PTBP3: variants seen among roughly 807,000 people sequenced by gnomAD.
PTBP3 encodes the protein polypyrimidine tract-binding protein 3.
A neutral mutation model predicts 58.7 loss-of-function variants in PTBP3; 20 were observed. The observed-to-expected ratio is 0.34, with a 90% CI of 0.24 to 0.50. The LOEUF is 0.50. PTBP3 is among the 20% of genes least tolerant of loss of function. The pLI is 0.98. For missense variants in PTBP3, 509 were observed against 637.2 expected, an observed-to-expected ratio of 0.80 and a Z score of 2.17; for synonymous variants, 185 against 219.8, an observed-to-expected ratio of 0.84 and a Z score of 1.40.
chr9:112,316,774 G>C (rs1587881451), intron 1 of PTBP3, among the ~76,000 whole-genome samples: 1 of 151,678 alleles, frequency 6.6e-6, no homozygotes, highest in Non-Finnish European at 1.5e-5. Flanking sequence ...GAGGTCAAGA[G>C]TGGTGTGGCC....
the PTBP3 span, among the ~76,000 whole-genome samples, chr9:112,377,236 C>T: frequency 6.6e-6 from 1 of 152,148 alleles, no homozygotes; most frequent in South Asian, 2.1e-4. Context: ...GGTGTGGTGG[C>T]ACATGCCCGT....
rs1235753949 is a variant in PTBP3, at chr9:112,220,342, G to A, written c.*3509C>T. 4.7e-6 allele frequency: 6 copies of A among 1,288,406 alleles called. No individual in the cohort carries two copies. Among genetic ancestry groups the A allele is most frequent in the Non-Finnish European group, 6.1e-6 (6 of 987,022 alleles). 79.8% of individuals were successfully genotyped at this position (1,288,406 alleles called of 1,614,324 possible). The stretch of plus-strand genomic sequence containing the variant: ...GCACTGTGGGGAGGTGGAAGCAGGA[G>A]AATCACTTGAGCCCAGGAGTTGGCG... On this transcript the variant is annotated 3_prime_UTR_variant, in exon 14 of 14. Coordinates refer to ENST00000374257, the MANE Select transcript of PTBP3 (RefSeq NM_001163788.4).
chr9:112,260,377 A>T (rs1229179713), intron 5 of PTBP3, among the ~76,000 whole-genome samples: 1 of 152,262 alleles, frequency 6.6e-6, no homozygotes, highest in East Asian at 1.9e-4. Flanking sequence ...TAGAGGCAGT[A>T]GAGTCAGGAT....
At position 112,257,424 on chromosome 9, in the gene PTBP3, A is replaced by T. The variant is rs558228344; in HGVS notation, c.517-4636T>A. On this transcript the variant is annotated intron_variant, in intron 5 of 13. Coordinates refer to ENST00000374257, the MANE Select transcript of PTBP3 (RefSeq NM_001163788.4). The stretch of plus-strand genomic sequence containing the variant: ...ATATATGAATCTATTTTTATGAATT[A>T]TAAGGTCTTTTACTCTGTTTCCCTA... Among the ~76,000 whole-genome samples the T allele has an allele frequency of 2.8e-4, 43 of 152,316 alleles. 1 individual carries two copies. The South Asian group carries it at 3.1e-3, about 11-fold the overall frequency.
At chr9:112,293,998 A>G (rs867360254) in intron 2 of PTBP3, among the ~76,000 whole-genome samples, 1 of 152,230 alleles carries the variant, frequency 6.6e-6, no homozygotes, top group Non-Finnish European at 1.5e-5. Context: ...ATAACTGAAT[A>G]TAGCATATCA....
At chr9:112,291,263 T>C (rs1037646457) in intron 2 of PTBP3, among the ~76,000 whole-genome samples, 4 of 151,880 alleles carry the variant, frequency 2.6e-5, no homozygotes, top group Admixed American at 2.6e-4. Context: ...TGTTCATGGA[T>C]TGGAAGACTT....
At chr9:112,309,732 G>C (rs1196281060) in intron 1 of PTBP3, among the ~76,000 whole-genome samples, 1 of 151,486 alleles carries the variant, frequency 6.6e-6, no homozygotes, top group African/African-American at 2.4e-5. Flanking sequence ...AGGCTGCAGT[G>C]AGCTGAGATT....
chr9:112,233,311 G>C (rs1322668449), intron 8 of PTBP3, among the ~76,000 whole-genome samples: 2 of 116,600 alleles, frequency 1.7e-5, no homozygotes, highest in South Asian at 2.8e-4. Flanking sequence ...GTGTGTGTGT[G>C]TGTGTATCTT....
chr9:112,290,707 T>TACACACACACACACACAC (rs60262490), intron 2 of PTBP3, among the ~76,000 whole-genome samples: 74 of 110,732 alleles, frequency 6.7e-4, no homozygotes, highest in Middle Eastern at 4.7e-3. Context: ...TATATATATA[T>TACACACACACACACACAC]ACACACACAC....
At chr9:112,326,535 T>C (rs1377818484) in intron 1 of PTBP3, among the ~76,000 whole-genome samples, 1 of 152,248 alleles carries the variant, frequency 6.6e-6, no homozygotes, top group East Asian at 1.9e-4. Flanking sequence ...ATATGCTATA[T>C]TGTTCTCTTC....
At chr9:112,366,710 A>C in the PTBP3 span, among the ~76,000 whole-genome samples, 4 of 152,262 alleles carry the variant, frequency 2.6e-5, no homozygotes, top group East Asian at 7.7e-4. Flanking sequence ...GGTAGTGCAG[A>C]AGGGAAAGGT....
At chr9:112,247,453 T>C (rs1195844317) in intron 7 of PTBP3, among the ~76,000 whole-genome samples, 1 of 150,814 alleles carries the variant, frequency 6.6e-6, no homozygotes, top group African/African-American at 2.4e-5. Flanking sequence ...TTTTCACAAC[T>C]GGCACTTTGG....
the PTBP3 span, among the ~76,000 whole-genome samples, chr9:112,373,867 C>T: frequency 6.6e-6 from 1 of 152,230 alleles, no homozygotes; most frequent in African/African-American, 2.4e-5. Flanking sequence ...ATGACAATTA[C>T]AGTCCTTGTT....
chr9:112,242,642 CCT>C (rs1219990158), intron 7 of PTBP3: 2 of 152,196 alleles, frequency 1.3e-5, no homozygotes, highest in African/African-American at 2.4e-5. Context: ...GTTTTGACCT[CCT>C]CTGTTTCTGA....
At chr9:112,225,391 C>T (rs1009258258) in intron 12 of PTBP3, among the ~76,000 whole-genome samples, 1 of 152,034 alleles carries the variant, frequency 6.6e-6, no homozygotes, top group Non-Finnish European at 1.5e-5. Flanking sequence ...ATAGTGGATA[C>T]CAGGAGCTGG....
chr9:112,251,880 T>C (rs1414806932), intron 6 of PTBP3, among the ~76,000 whole-genome samples: 1 of 152,120 alleles, frequency 6.6e-6, no homozygotes, highest in African/African-American at 2.4e-5. Flanking sequence ...ATATGCATGT[T>C]CAGGGTACAG....
the PTBP3 span, among the ~76,000 whole-genome samples, chr9:112,340,411 G>T: frequency 6.6e-6 from 1 of 152,020 alleles, no homozygotes; most frequent in African/African-American, 2.4e-5. Context: ...TATTTTATAT[G>T]ATTTTCTCAA....
chr9:112,320,316 T>TATATATA (rs61624494), intron 1 of PTBP3, among the ~76,000 whole-genome samples: 6 of 31,582 alleles, frequency 1.9e-4, no homozygotes, highest in East Asian at 5.3e-4. Context: ...ATATATATAT[T>TATATATA]TTTTTTTAAG....
At chr9:112,268,809 T>C (rs1031485697) in intron 3 of PTBP3, among the ~76,000 whole-genome samples, 30 of 151,654 alleles carry the variant, frequency 2.0e-4, no homozygotes, top group African/African-American at 7.2e-4. Context: ...TCTTTTAAAA[T>C]CCAGAAATAA....
Sources: gnomAD v4.1 joint callset for allele counts (sites outside exome capture counted in the v4.1 genomes callset) on GRCh38, gnomAD v4.1.1 for gene constraint, MANE v1.5 for transcripts, NCBI Gene and HGNC (gene_info 2026-07-23, HGNC 2026-07-21) for gene names.